Variants in CDKN2B-AS1 observed in about 807,000 individuals in gnomAD.
The protein encoded by CDKN2B-AS1 is CDKN2B and CDKN2A antisense cis and trans regulatory RNA 1.
intron 1 of CDKN2B-AS1, among the ~76,000 whole-genome samples, chr9:22,042,490 G>T (rs866044668): frequency 1.3e-5 from 2 of 152,056 alleles, no homozygotes; most frequent in African/African-American, 4.8e-5. Flanking sequence ...CATTGCAACA[G>T]ATAAAATTAA....
chr9:22,124,794 T>G (rs1233317198), intron 4 of CDKN2B-AS1, among the ~76,000 whole-genome samples: 2 of 152,212 alleles, frequency 1.3e-5, no homozygotes, highest in African/African-American at 4.8e-5. Context: ...AAGTGTGGCC[T>G]GCCTTCAAGA....
At chr9:22,089,141 C>T (rs1043497331) in intron 4 of CDKN2B-AS1, among the ~76,000 whole-genome samples, 1 of 152,060 alleles carries the variant, frequency 6.6e-6, no homozygotes, top group East Asian at 1.9e-4. Context: ...ACAGGATGAG[C>T]AACAAGATTA....
intron 4 of CDKN2B-AS1, among the ~76,000 whole-genome samples, chr9:22,095,623 C>G (rs200369392): frequency 4.0e-5 from 6 of 150,282 alleles, no homozygotes; most frequent in African/African-American, 1.0e-4. Flanking sequence ...GCAGAGCTGA[C>G]TTCAATTCCT....
chr9:22,063,984 C>A (rs778881310), intron 4 of CDKN2B-AS1: 1 of 152,136 alleles, frequency 6.6e-6, no homozygotes, highest in Admixed American at 6.5e-5. Context: ...CCACTGGTGA[C>A]GTTGCCTGTG....
chr9:22,029,430 C>A (rs779865453), intron 1 of CDKN2B-AS1: 15 of 779,370 alleles, frequency 1.9e-5, no homozygotes, highest in East Asian at 7.3e-5. Context: ...GGATGTTTTG[C>A]AGGACTATTT....
At chr9:22,073,652 C>T (rs1180300512) in intron 4 of CDKN2B-AS1, among the ~76,000 whole-genome samples, 1 of 152,142 alleles carries the variant, frequency 6.6e-6, no homozygotes, top group Non-Finnish European at 1.5e-5. Flanking sequence ...TGTTTTGACC[C>T]ATTTAGCTAC....
In CDKN2B-AS1 at chr9:22,109,788, G is replaced by A. The variant is rs950558976; in HGVS notation, n.439-17315G>A. Reference sequence around the variant, plus strand: ...AGTGATTTATCAGGCTTTATTGTGGGGAACCTAAAGTGGATTGCAACTGCT... The same window carrying A: ...AGTGATTTATCAGGCTTTATTGTGGAGAACCTAAAGTGGATTGCAACTGCT... On this transcript the variant is annotated intron_variant and non_coding_transcript_variant, in intron 4 of 4. Transcript: ENST00000650946. 4.0e-4 allele frequency among the ~76,000 whole-genome samples: 61 copies of A among 152,080 alleles called. 1 individual carries two copies. Among genetic ancestry groups the A allele is most frequent in the African/African-American group, 1.3e-3 (54 of 41,414 alleles).
intron 4 of CDKN2B-AS1, among the ~76,000 whole-genome samples, chr9:22,071,286 T>A (rs1003639307): frequency 2.0e-4 from 2 of 10,218 alleles, no homozygotes; most frequent in South Asian, 5.2e-3. Context: ...AATATCTAGC[T>A]TTTTTTTTTT....
chr9:22,077,135 T>C (rs1824527314), intron 4 of CDKN2B-AS1, among the ~76,000 whole-genome samples: 1 of 152,198 alleles, frequency 6.6e-6, no homozygotes, highest in Non-Finnish European at 1.5e-5. Flanking sequence ...TTTTATTCTC[T>C]ATTTCTGTAT....
At chr9:22,091,935 T>A in intron 4 of CDKN2B-AS1, among the ~76,000 whole-genome samples, 1 of 152,196 alleles carries the variant, frequency 6.6e-6, no homozygotes. Flanking sequence ...GTTTTGCCCA[T>A]TCAGTATGAT....
At chr9:22,042,737 T>G (rs1382431627) in intron 1 of CDKN2B-AS1, among the ~76,000 whole-genome samples, 1 of 152,142 alleles carries the variant, frequency 6.6e-6, no homozygotes, top group Non-Finnish European at 1.5e-5. Flanking sequence ...TTGGCATTAT[T>G]ATGTTAAAGA....
chr9:22,025,467 A>G (rs909672767), intron 1 of CDKN2B-AS1, among the ~76,000 whole-genome samples: 2 of 152,016 alleles, frequency 1.3e-5, no homozygotes, highest in African/African-American at 4.8e-5. Flanking sequence ...CTGAGTTGCT[A>G]TTGGCTTGAT....
At chr9:22,058,549 C>T (rs1172518147) in intron 4 of CDKN2B-AS1, 2 of 152,330 alleles carry the variant, frequency 1.3e-5, no homozygotes, top group African/African-American at 4.8e-5. Context: ...CAAATGTAAA[C>T]AGAAAGAGGT....
In CDKN2B-AS1 at chr9:22,005,131, T is replaced by C. The variant is rs186836905; in HGVS notation, n.29+9970T>C. On this transcript the variant is annotated intron_variant and non_coding_transcript_variant, in intron 1 of 4. Transcript: ENST00000650946. This position sits in a 1 kb window ranked among gnomAD's most constrained non-coding sequence, Gnocchi z 4.9. ...CCTAGCATGTGTGTGTGTGTGTGTG[T>C]GTGTGTGTGTGAAAGAAAACGTTAC... 1 of 233,036 alleles carries C rather than the reference T, an allele frequency of 4.3e-6. No homozygotes were observed. Among genetic ancestry groups the C allele is most frequent in the Admixed American group, 5.6e-5 (1 of 17,746 alleles). The allele number at this position is 233,036 out of a possible 1,614,324, so 14.4% of individuals were successfully genotyped here.
intron 4 of CDKN2B-AS1, among the ~76,000 whole-genome samples, chr9:22,064,658 T>G (rs957919146): frequency 1.3e-5 from 2 of 152,184 alleles, no homozygotes; most frequent in African/African-American, 2.4e-5. Flanking sequence ...TTTGTCCCAG[T>G]CGTGTGTGGG....
intron 4 of CDKN2B-AS1, among the ~76,000 whole-genome samples, chr9:22,114,426 T>C (rs1825888947): frequency 6.6e-6 from 1 of 152,176 alleles, no homozygotes; most frequent in African/African-American, 2.4e-5. Context: ...GTAAACCTTG[T>C]GGGAGAAAAT....
At chr9:22,063,242 C>A (rs992102670) in intron 4 of CDKN2B-AS1, among the ~76,000 whole-genome samples, 1 of 152,078 alleles carries the variant, frequency 6.6e-6, no homozygotes, top group African/African-American at 2.4e-5. Flanking sequence ...GAGAACTTTG[C>A]TATTTAGTGT....
intron 4 of CDKN2B-AS1, among the ~76,000 whole-genome samples, chr9:22,062,263 T>C (rs1430799775): frequency 3.3e-5 from 5 of 152,224 alleles, no homozygotes; most frequent in Non-Finnish European, 7.3e-5. Context: ...TGAATGAATT[T>C]ATTTTTGTTT....
intron 4 of CDKN2B-AS1, among the ~76,000 whole-genome samples, chr9:22,072,481 C>G (rs1458824288): frequency 1.3e-5 from 2 of 152,176 alleles, no homozygotes. Context: ...CATTTCATCT[C>G]TAATAATTTT....
Sources: allele counts gnomAD v4.1 joint callset (sites outside exome capture counted in the v4.1 genomes callset), GRCh38; gene constraint gnomAD v4.1.1; non-coding constraint Gnocchi (gnomAD v3.1); transcripts MANE v1.5; gene names NCBI Gene and HGNC (gene_info 2026-07-23, HGNC 2026-07-21).